CDH19: variants seen among roughly 807,000 people sequenced by gnomAD.
CDH19 encodes the protein cadherin-19.
Under a neutral mutation model 64.2 loss-of-function variants are expected in CDH19, and 67 were observed. That is an observed-to-expected ratio of 1.04 (90% CI 0.86 to 1.28). CDH19 has a LOEUF of 1.28. Among genes scored for constraint, CDH19 ranks in the 50% most tolerant of loss-of-function variants. The pLI, the probability that CDH19 is intolerant of heterozygous loss-of-function variation, is 0.00. For synonymous variants in CDH19, 346 were observed against 319.3 expected (o/e 1.08, Z -0.89); for missense variants, 1,030 against 929.0 (o/e 1.11, Z -1.41).
intron 5 of CDH19, among the ~76,000 whole-genome samples, 161 bp from the exon 6 acceptor site, chr18:66,545,064 T>C (rs1401829070): frequency 6.6e-6 from 1 of 151,844 alleles, no homozygotes; most frequent in Non-Finnish European, 1.5e-5. Context: ...CTGCAATCTC[T>C]GCCTCCTGGG....
chr18:66,543,581 A>G (rs1299873613), intron 7 of CDH19, among the ~76,000 whole-genome samples: 1 of 152,002 alleles, frequency 6.6e-6, no homozygotes, highest in Non-Finnish European at 1.5e-5. Context: ...TACAGATATA[A>G]CCTTGTTTAA....
In CDH19 at chr18:66,509,216, G is replaced by T. The variant is rs1985351909; in HGVS notation, c.1607C>A (p.Thr536Asn). The change falls in exon 11 of 12, where the codon ACT becomes AAT. Residue 536 changes from threonine (T) to asparagine (N), a missense_variant. Physicochemically the swap from Thr to Asn is moderately conservative, Grantham distance 65. Coordinates refer to ENST00000262150, the MANE Select transcript of CDH19 (RefSeq NM_021153.4). ...DNTAVILTNR[T>N]GFNLQEEPVF... is the part of the protein sequence containing the mutation. Reference sequence around the variant, plus strand: ...AGGTTCTTCTTGAAGGTTAAAACCAGTTCTATTAGTCAAAATGACAGCTGT... The same window carrying T: ...AGGTTCTTCTTGAAGGTTAAAACCATTTCTATTAGTCAAAATGACAGCTGT... 6.2e-7 allele frequency: 1 copy of T among 1,612,274 alleles called. No homozygotes were observed. The highest frequency in any genetic ancestry group is 8.5e-7 in the Non-Finnish European group (1 of 1,178,994).
chr18:66,546,208 A>C (rs1987111233), intron 5 of CDH19, among the ~76,000 whole-genome samples: 1 of 152,172 alleles, frequency 6.6e-6, no homozygotes, highest in South Asian at 2.1e-4. Context: ...CAAAGATTGC[A>C]TTTGAGACCT....
At chr18:66,540,244 CT>C (rs1986836515) in intron 7 of CDH19, among the ~76,000 whole-genome samples, 1 of 152,018 alleles carries the variant, frequency 6.6e-6, no homozygotes, top group Non-Finnish European at 1.5e-5. Flanking sequence ...GCTTGCTTTG[CT>C]TTTTATTTGC....
chr18:66,528,721 C>T (rs1178985351), intron 9 of CDH19, among the ~76,000 whole-genome samples: 1 of 152,008 alleles, frequency 6.6e-6, no homozygotes, highest in Admixed American at 6.6e-5. Context: ...GTACCTATTT[C>T]TTAAGATATG....
intron 1 of CDH19, among the ~76,000 whole-genome samples, chr18:66,581,388 A>G (rs780154454): frequency 9.9e-5 from 15 of 152,114 alleles, no homozygotes; most frequent in Non-Finnish European, 1.9e-4. Context: ...ATTGGATTGA[A>G]GAATCCCTAG....
rs191693610 is a variant in CDH19, at chr18:66,588,731, C to T, written c.-113+15223G>A. Among the ~76,000 whole-genome samples, 5 of 150,880 alleles carry T rather than the reference C, an allele frequency of 3.3e-5. No homozygotes were observed. The Admixed American group carries it at 3.3e-4, about 10-fold the overall frequency. On this transcript the variant is annotated intron_variant, in intron 1 of 11. Coordinates refer to ENST00000262150, the MANE Select transcript of CDH19 (RefSeq NM_021153.4). Reference sequence around the variant, plus strand: ...GAAGTTTTTGTTACCAGAAATATGTCATAGGGACTAAACTCTCCTTTATCT... The same window carrying T: ...GAAGTTTTTGTTACCAGAAATATGTTATAGGGACTAAACTCTCCTTTATCT...
intron 1 of CDH19, among the ~76,000 whole-genome samples, chr18:66,590,624 A>C (rs1325465481): frequency 6.6e-6 from 1 of 151,982 alleles, no homozygotes; most frequent in Non-Finnish European, 1.5e-5. Flanking sequence ...TATCAGAAAG[A>C]AATACTGCTG....
intron 3 of CDH19, among the ~76,000 whole-genome samples, chr18:66,558,311 C>A (rs958391180): frequency 3.3e-5 from 5 of 151,236 alleles, no homozygotes; most frequent in African/African-American, 9.7e-5. Context: ...TAGCAATGCT[C>A]GATTTTTACA....
intron 3 of CDH19, 24 bp downstream of exon 3, chr18:66,568,392 T>C (rs1462357090): frequency 6.4e-7 from 1 of 1,553,604 alleles, no homozygotes; most frequent in Non-Finnish European, 8.8e-7. Context: ...TAATATATCT[T>C]TGATGTAAAT....
Position 66,505,308 on chromosome 18 carries a change from GAAGA to G in CDH19, c.1829-10_1829-7del, listed in dbSNP as rs779907100. 2.0e-6 allele frequency: 3 copies of G among 1,536,440 alleles called. No individual in the cohort carries two copies. The Admixed American group carries it at 6.5e-5, about 33-fold the overall frequency. On this transcript the variant is annotated splice_region_variant and splice_polypyrimidine_tract_variant and intron_variant, in intron 11 of 11. Coordinates refer to ENST00000262150, the MANE Select transcript of CDH19 (RefSeq NM_021153.4). ...CAAAGTCAAAAAAATAAACCCTGAT[GAAGA>G]AAGCACATCAGAATATCAATAAACA...
chr18:66,600,622 T>C (rs1049254604), intron 1 of CDH19, among the ~76,000 whole-genome samples: 2 of 151,934 alleles, frequency 1.3e-5, no homozygotes. Flanking sequence ...TAAATCCATA[T>C]TGTATAAAAT....
intron 10 of CDH19, 72 bp downstream of exon 10, chr18:66,511,496 C>A: frequency 1.5e-6 from 1 of 676,920 alleles, no homozygotes. Context: ...AAAATCCATG[C>A]CATAAATTCC....
chr18:66,523,431 G>C (rs1239075660), intron 9 of CDH19, among the ~76,000 whole-genome samples: 1 of 152,122 alleles, frequency 6.6e-6, no homozygotes, highest in East Asian at 1.9e-4. Flanking sequence ...TGGAGGAGGT[G>C]CAGCTGCAGC....
intron 5 of CDH19, among the ~76,000 whole-genome samples, chr18:66,547,420 A>G (rs1254138856): frequency 1.3e-5 from 2 of 152,034 alleles, no homozygotes; most frequent in South Asian, 4.1e-4. Flanking sequence ...AGAATTGTGG[A>G]GGCTATCAAT....
intron 3 of CDH19, among the ~76,000 whole-genome samples, chr18:66,567,113 A>G (rs1987939578): frequency 6.6e-6 from 1 of 151,920 alleles, no homozygotes; most frequent in African/African-American, 2.4e-5. Flanking sequence ...CTTTAATTAA[A>G]ATAACTATTT....
intron 1 of CDH19, among the ~76,000 whole-genome samples, chr18:66,594,295 A>G (rs1019680514): frequency 1.3e-5 from 2 of 152,168 alleles, no homozygotes; most frequent in African/African-American, 4.8e-5. Context: ...AGAAACTTAG[A>G]TAACCACACA....
At chr18:66,571,245 C>T (rs1029627748) in intron 2 of CDH19, among the ~76,000 whole-genome samples, 11 of 151,600 alleles carry the variant, frequency 7.3e-5, no homozygotes, top group African/African-American at 2.7e-4. Context: ...AGATACCATG[C>T]TAACACTGCA....
At chr18:66,602,538 A>G (rs1349452910) in intron 1 of CDH19, among the ~76,000 whole-genome samples, 5 of 151,914 alleles carry the variant, frequency 3.3e-5, no homozygotes, top group Non-Finnish European at 7.4e-5. Context: ...ATATAAGTAG[A>G]AGACATATGC....
Sources: gnomAD v4.1 joint callset for allele counts (sites outside exome capture counted in the v4.1 genomes callset) on GRCh38, gnomAD v4.1.1 for gene constraint, MANE v1.5 for transcripts, NCBI Gene and HGNC (gene_info 2026-07-23, HGNC 2026-07-21) for gene names.